Variants in SMC4 observed in about 807,000 individuals in gnomAD.
SMC4 encodes structural maintenance of chromosomes 4.
A neutral mutation model predicts 145.6 loss-of-function variants in SMC4; 87 were observed. That is an observed-to-expected ratio of 0.60 (90% CI 0.50 to 0.71). The LOEUF is 0.71. SMC4 is among the 30% of genes least tolerant of loss of function. The pLI, the probability that SMC4 is intolerant of heterozygous loss-of-function variation, is 0.00. For synonymous variants in SMC4, 558 were observed against 500.7 expected (o/e 1.11, Z -1.53); for missense variants, 1,447 against 1,537.1 (o/e 0.94, Z 0.98).
At chr3:160,406,464 G>T (rs1715337063) in intron 5 of SMC4, among the ~76,000 whole-genome samples, 1 of 152,114 alleles carries the variant, frequency 6.6e-6, no homozygotes, top group Admixed American at 6.5e-5. Flanking sequence ...GCATTTGATG[G>T]TAAGTAAAAA....
At chr3:160,423,359 G>GTTTTTTTTTTTTTTTTGGTTTTTTTTTT (rs372679543) in intron 13 of SMC4, 66 bp from the exon 14 acceptor site, 1 of 359,972 alleles carries the variant, frequency 2.8e-6, no homozygotes, top group Non-Finnish European at 4.4e-6. Flanking sequence ...GTTTTTTTTT[G>GTTTTTTTTTTTTTTTTGGTTTTTTTTTT]TTTTTTTTTT....
chr3:160,428,839 A>C lies in SMC4; in HGVS notation c.2692A>C (p.Lys898Gln). ...TACCATCGTAGAAATCAATAATCAT[A>C]AACTCAAGGCCCAACAAGACAAACT... ...HNTIVEINNH[K>Q]LKAQQDKLDK... The change falls in exon 18 of 24, where the codon AAA becomes CAA. Residue 898 changes from lysine to glutamine, a missense_variant. Coordinates refer to ENST00000357388, the MANE Select transcript of SMC4 (RefSeq NM_001002800.3). The C allele has an allele frequency of 6.2e-7, 1 of 1,607,382 alleles. No individual in the cohort carries two copies. The highest frequency in any genetic ancestry group is 2.2e-5 in the East Asian group (1 of 44,690).
chr3:160,424,022 A>C (rs1025743746), intron 15 of SMC4, among the ~76,000 whole-genome samples, 182 bp downstream of exon 15: 3 of 152,212 alleles, frequency 2.0e-5, no homozygotes, highest in Non-Finnish European at 4.4e-5. Flanking sequence ...AGAAAACAAA[A>C]TATTAATCAG....
intron 7 of SMC4, 166 bp downstream of exon 7, chr3:160,412,619 T>C (rs1415435065): frequency 1.6e-6 from 2 of 1,233,992 alleles, no homozygotes; most frequent in Non-Finnish European, 2.1e-6. Context: ...TCCAGCACTT[T>C]GGGAGGCTAA....
intron 1 of SMC4, chr3:160,400,257 G>A (rs1248212859): frequency 6.6e-6 from 1 of 152,362 alleles, no homozygotes; most frequent in Admixed American, 6.5e-5. Context: ...ACCGCTGAGA[G>A]GAGGGAGACT....
At chr3:160,411,859 C>A in intron 5 of SMC4, 61 bp from the exon 6 acceptor site, 1 of 1,428,224 alleles carries the variant, frequency 7.0e-7, no homozygotes, top group East Asian at 2.3e-5. Flanking sequence ...TCCCAATTCT[C>A]ACTTAAGATT....
In SMC4 at chr3:160,434,587, G is replaced by GCAT. The variant is rs1718784929; in HGVS notation, c.*780_*782dup. 6.6e-6 allele frequency: 1 copy of GCAT among 152,146 alleles called. No homozygotes were observed. 9.4% of individuals were successfully genotyped at this position (152,146 alleles called of 1,614,324 possible). On this transcript the variant is annotated 3_prime_UTR_variant, in exon 24 of 24. Transcript: ENST00000357388. ...CAGGATGTAGTCCCACTGTTGAGGA[G>GCAT]CATCTATTTAGGGGTTAATTACTTT...
intron 2 of SMC4, among the ~76,000 whole-genome samples, 192 bp from the exon 3 acceptor site, chr3:160,401,723 G>A (rs766603607): frequency 1.7e-4 from 26 of 152,146 alleles, no homozygotes; most frequent in Admixed American, 4.6e-4. Flanking sequence ...CAAGCTGAAG[G>A]TTTAGTCACC....
chr3:160,417,888 A>G lies in SMC4; in HGVS notation c.1603A>G (p.Lys535Glu), dbSNP rs1276259755. Residue 535 changes from lysine to glutamate, a missense_variant, in exon 11 of 24, where the codon AAA (lysine) becomes GAA (glutamate). Lys to Glu is a moderately conservative substitution (Grantham distance 56, BLOSUM62 1). Coordinates refer to ENST00000357388, the MANE Select transcript of SMC4 (RefSeq NM_001002800.3). Reference protein sequence around the residue: ...EALIAASETLKERKAAIRDIE... With the variant: ...EALIAASETLEERKAAIRDIE... ...TCTAATTGCAGCTTCTGAGACTCTC[A>G]AAGAAAGGAAAGCTGCAATCAGAGA... 4 of 1,613,610 alleles carry G rather than the reference A, an allele frequency of 2.5e-6. No homozygotes were observed. The highest frequency in any genetic ancestry group is 2.5e-6 in the Non-Finnish European group (3 of 1,179,758).
At chr3:160,433,001 A>T in intron 22 of SMC4, 25 bp from the exon 23 acceptor site, 1 of 1,542,766 alleles carries the variant, frequency 6.5e-7, no homozygotes, top group Non-Finnish European at 8.9e-7. Flanking sequence ...AGGTAATTTG[A>T]CTATGATTTT....
In SMC4 at chr3:160,421,115, A is replaced by G. The variant is rs1433462537; in HGVS notation, c.2019+214A>G. Among the ~76,000 whole-genome samples the G allele has an allele frequency of 1.5e-4, 23 of 151,544 alleles. 1 individual carries two copies. Among genetic ancestry groups the G allele is most frequent in the Admixed American group, 1.5e-3 (23 of 15,248 alleles). ...CAGCTAATTTTTTTGTATTTTCAGT[A>G]GAGAGGGGTTTCACTGTGTTAGCCA... On this transcript the variant is annotated intron_variant, in intron 13 of 23. Transcript: ENST00000357388.
Position 160,400,962 on chromosome 3 carries a change from G to T in SMC4, c.136G>T (p.Ala46Ser), listed in dbSNP as rs757932435. Residue 46 changes from alanine (A) to serine (S), a missense_variant, in exon 2 of 24, where the codon GCA (alanine) becomes TCA (serine). Coordinates refer to ENST00000357388, the MANE Select transcript of SMC4 (RefSeq NM_001002800.3). ...SGRTESPATA[A>S]ETASEELDNR... ...CCGCACGGAGAGCCCAGCCACCGCC[G>T]CAGGTGAGTGACCCGCCGCGACTCG... 2 of 1,412,950 alleles carry T rather than the reference G, an allele frequency of 1.4e-6. No individual in the cohort carries two copies. The highest frequency in any genetic ancestry group is 3.4e-5 in the Admixed American group (1 of 29,364). 87.5% of individuals were successfully genotyped at this position (1,412,950 alleles called of 1,614,324 possible). A position where few individuals can be genotyped will look rare whatever the true frequency, so the allele number is the denominator to read the frequency against.
intron 6 of SMC4, 37 bp from the exon 7 acceptor site, chr3:160,412,289 A>C (rs1253139829): frequency 6.4e-7 from 1 of 1,555,216 alleles, no homozygotes. Flanking sequence ...GTACATATGA[A>C]GTGTGTATTC....
In SMC4 at chr3:160,431,678, T is replaced by C. The variant is rs1272040669; in HGVS notation, c.3150T>C (p.Asn1050=). 6.2e-7 allele frequency: 1 copy of C among 1,607,584 alleles called. No homozygotes were observed. Among genetic ancestry groups the C allele is most frequent in the African/African-American group, 1.3e-5 (1 of 74,266 alleles). ...SKISLHPIED[N]PIEEISVLSP... ...TATCACTGCATCCTATAGAAGATAA[T>C]CCTATTGAAGAGATTTCGGTTCTAA... Residue 1050 remains asparagine (N), a synonymous_variant, in exon 21 of 24, where the codon AAT becomes AAC. Coordinates refer to ENST00000357388, the MANE Select transcript of SMC4 (RefSeq NM_001002800.3).
At chr3:160,414,600 T>C (rs1670008743) in intron 9 of SMC4, 83 bp downstream of exon 9, 1 of 1,242,944 alleles carries the variant, frequency 8.0e-7, no homozygotes, top group African/African-American at 1.5e-5. Flanking sequence ...CCTTATTGCC[T>C]AAGAGAATGA....
rs750947229 is a variant in SMC4, at chr3:160,415,133, C to T, written c.1272+616C>T. On this transcript the variant is annotated intron_variant, in intron 9 of 23. Transcript: ENST00000357388. ...ACACCTGTATTCCCAGTGCTTTGGG[C>T]GGCCAAAGTTGGAGAATTGCTTGAT... Among the ~76,000 whole-genome samples, 54 of 152,126 alleles carry T rather than the reference C, an allele frequency of 3.5e-4. 1 individual carries two copies. The highest frequency in any genetic ancestry group is 1.0e-4 in the Non-Finnish European group (7 of 68,026).
intron 5 of SMC4, 36 bp from the exon 6 acceptor site, chr3:160,411,884 T>C (rs1260764588): frequency 6.3e-7 from 1 of 1,584,700 alleles, no homozygotes; most frequent in Non-Finnish European, 8.6e-7. Flanking sequence ...TAGCTAAACA[T>C]ACACAGTGAG....
chr3:160,414,779 G>T (rs1716414986), intron 9 of SMC4, among the ~76,000 whole-genome samples: 2 of 152,102 alleles, frequency 1.3e-5, no homozygotes, highest in African/African-American at 4.8e-5. Context: ...GCAGTGGTAT[G>T]ATTATAGTCT....
At chr3:160,433,268 C>A in intron 23 of SMC4, 59 bp downstream of exon 23, 3 of 1,153,118 alleles carry the variant, frequency 2.6e-6, no homozygotes, top group Non-Finnish European at 3.8e-6. Flanking sequence ...CTAAACATTA[C>A]ACATGGAATT....
Sources: gnomAD v4.1 joint callset for allele counts (sites outside exome capture counted in the v4.1 genomes callset) on GRCh38, gnomAD v4.1.1 for gene constraint, MANE v1.5 for transcripts, NCBI Gene and HGNC (gene_info 2026-07-23, HGNC 2026-07-21) for gene names.